NDUFV2: variants seen among roughly 807,000 people sequenced by gnomAD.
The protein encoded by NDUFV2 is NADH dehydrogenase [ubiquinone] flavoprotein 2, mitochondrial.
In NDUFV2, 18 loss-of-function variants were observed where a neutral mutation model predicts 31.6. The observed-to-expected ratio is 0.57, with a 90% CI of 0.39 to 0.84. The LOEUF (loss-of-function observed/expected upper bound fraction) is 0.84, where lower values mean the gene tolerates loss of function less well. Among genes scored for constraint, NDUFV2 ranks in the 40% least tolerant of loss-of-function variants. The pLI is 0.00. For synonymous variants in NDUFV2, 83 were observed against 99.8 expected (o/e 0.83, Z 1.01); for missense variants, 314 against 303.6 (o/e 1.03, Z -0.26).
intron 4 of NDUFV2, among the ~76,000 whole-genome samples, 194 bp from the exon 5 acceptor site, chr18:9,122,319 G>C (rs901852947): frequency 9.9e-5 from 15 of 152,160 alleles, no homozygotes; most frequent in Non-Finnish European, 2.2e-4. Context: ...TGGTTTAAGT[G>C]TAAGTACATT....
At chr18:9,123,518 A>C (rs1345286824) in intron 5 of NDUFV2, among the ~76,000 whole-genome samples, 1 of 151,202 alleles carries the variant, frequency 6.6e-6, no homozygotes, top group African/African-American at 2.4e-5. Context: ...TTGAGGTCTC[A>C]CTTTGTCACC....
intron 7 of NDUFV2, chr18:9,133,457 T>TG (rs2078058155): frequency 6.6e-6 from 1 of 152,334 alleles, no homozygotes; most frequent in Non-Finnish European, 1.5e-5. Context: ...CTTCATAAAT[T>TG]GCTCCATCAG....
chr18:9,118,840 T>TTTA (rs1555697074), intron 2 of NDUFV2, among the ~76,000 whole-genome samples: 8 of 149,320 alleles, frequency 5.4e-5, no homozygotes, highest in Non-Finnish European at 1.2e-4. Flanking sequence ...TTTTTTTTTT[T>TTTA]AAGATGGTCC....
chr18:9,114,416 G>A (rs1027676766), intron 1 of NDUFV2, among the ~76,000 whole-genome samples: 8 of 149,282 alleles, frequency 5.4e-5, no homozygotes, highest in South Asian at 2.1e-4. Context: ...TTAAAAATAG[G>A]TGTAGTTTTA....
At chr18:9,113,134 A>G (rs2077880156) in intron 1 of NDUFV2, among the ~76,000 whole-genome samples, 2 of 152,360 alleles carry the variant, frequency 1.3e-5, no homozygotes, top group Non-Finnish European at 2.9e-5. Flanking sequence ...TATGTACTTC[A>G]TAGGTACATA....
In NDUFV2 at chr18:9,107,188, G is replaced by A. The variant is rs1045639428; in HGVS notation, c.54+4391G>A. On this transcript the variant is annotated intron_variant, in intron 1 of 7. Transcript: ENST00000318388. ...ACTTTAGTTTATGCAGTGAGGTTCAGTAGGCCACTATTGCAAACTGCAGAC... is the reference window on the plus strand; with the variant it reads ...ACTTTAGTTTATGCAGTGAGGTTCAATAGGCCACTATTGCAAACTGCAGAC... 3.3e-5 allele frequency among the ~76,000 whole-genome samples: 5 copies of A among 152,220 alleles called. No homozygotes were observed. The South Asian group carries it at 1.0e-3, about 32-fold the overall frequency.
Position 9,116,364 on chromosome 18 carries a change from T to G in NDUFV2, c.55-1474T>G, listed in dbSNP as rs576155866. 2.7e-3 allele frequency among the ~76,000 whole-genome samples: 408 copies of G among 152,364 alleles called. 1 individual carries two copies. The highest frequency in any genetic ancestry group is 3.6e-3 in the Non-Finnish European group (248 of 68,034). ...CTACTCTTAAAATTAATCCTTTTAT[T>G]ATAAGTATACAGTCTTTTCTCTCAG... On this transcript the variant is annotated intron_variant, in intron 1 of 7. Transcript: ENST00000318388.
Position 9,134,318 on chromosome 18 carries a change from A to C in NDUFV2, c.*39A>C, listed in dbSNP as rs779630576. On this transcript the variant is annotated 3_prime_UTR_variant, in exon 8 of 8. Coordinates refer to ENST00000318388, the MANE Select transcript of NDUFV2 (RefSeq NM_021074.5). ...GTAAATATGTCACTAGAGAAATAAA[A>C]TATGGACTTCCAATCTACGTAAACT... The C allele has an allele frequency of 2.1e-6, 3 of 1,423,234 alleles. No individual in the cohort carries two copies. Among genetic ancestry groups the C allele is most frequent in the Non-Finnish European group, 3.0e-6 (3 of 1,008,576 alleles). The allele number at this position is 1,423,234 out of a possible 1,614,324, so 88.2% of individuals were successfully genotyped here.
chr18:9,104,324 G>GA (rs1242928729), intron 1 of NDUFV2: 4 of 1,592,224 alleles, frequency 2.5e-6, no homozygotes, highest in Non-Finnish European at 3.4e-6. Context: ...AGGCCGTCAG[G>GA]AGTCAGTGAA....
intron 1 of NDUFV2, among the ~76,000 whole-genome samples, chr18:9,106,976 GC>G (rs570876502): frequency 1.4e-4 from 21 of 151,514 alleles, no homozygotes; most frequent in Non-Finnish European, 2.9e-4. Flanking sequence ...ATGACATTGG[GC>G]CCACCTAGAT....
intron 1 of NDUFV2, chr18:9,103,276 A>C: frequency 2.5e-6 from 1 of 397,220 alleles, no homozygotes; most frequent in East Asian, 3.6e-5. Context: ...CCAATGTTTG[A>C]TTTACTGCAG....
At chr18:9,125,871 C>A (rs1230766810) in intron 6 of NDUFV2, among the ~76,000 whole-genome samples, 1 of 152,148 alleles carries the variant, frequency 6.6e-6, no homozygotes, top group African/African-American at 2.4e-5. Context: ...AGGTTCCAGA[C>A]TAGCAGTTTT....
intron 4 of NDUFV2, chr18:9,121,509 A>T (rs1424728773): frequency 6.6e-6 from 1 of 152,230 alleles, no homozygotes; most frequent in African/African-American, 2.4e-5. Flanking sequence ...AGCCATGATT[A>T]GATGTCTTTT....
intron 1 of NDUFV2, chr18:9,117,240 T>A (rs139401606): frequency 6.5e-6 from 1 of 152,734 alleles, no homozygotes; most frequent in Non-Finnish European, 1.5e-5. Context: ...TTTTACCATG[T>A]TGGCCAGGAT....
chr18:9,129,249 G>T (rs939212225), intron 7 of NDUFV2, among the ~76,000 whole-genome samples: 1 of 152,028 alleles, frequency 6.6e-6, no homozygotes, highest in Non-Finnish European at 1.5e-5. Context: ...CCACTTTGGC[G>T]TTTAGAATCT....
chr18:9,125,644 G>A (rs1245321225), intron 6 of NDUFV2, among the ~76,000 whole-genome samples: 2 of 151,236 alleles, frequency 1.3e-5, no homozygotes, highest in African/African-American at 4.9e-5. Flanking sequence ...TTTAAAAATT[G>A]CTTGCTACCC....
intron 7 of NDUFV2, 81 bp downstream of exon 7, chr18:9,126,988 T>C: frequency 9.2e-7 from 1 of 1,092,320 alleles, no homozygotes; most frequent in East Asian, 2.4e-5. Context: ...AAAAATTTTA[T>C]ACCTTAAGTT....
chr18:9,108,793 C>T (rs571404916), intron 1 of NDUFV2, among the ~76,000 whole-genome samples: 8 of 150,816 alleles, frequency 5.3e-5, no homozygotes, highest in East Asian at 2.0e-4. Context: ...CGGGTTCAAG[C>T]GATTCTCCTG....
chr18:9,126,579 C>A lies in NDUFV2; in HGVS notation c.580-252C>A, dbSNP rs41274302. 7.8e-3 allele frequency: 3,480 copies of A among 448,542 alleles called. 30 individuals carry two copies. Among genetic ancestry groups the A allele is most frequent in the Middle Eastern group, 0.02 (31 of 1,526 alleles). The allele number at this position is 448,542 out of a possible 1,614,324, so 27.8% of individuals were successfully genotyped here. A position where few individuals can be genotyped will look rare whatever the true frequency, so the allele number is the denominator to read the frequency against. On this transcript the variant is annotated intron_variant, in intron 6 of 7. Coordinates refer to ENST00000318388, the MANE Select transcript of NDUFV2 (RefSeq NM_021074.5). ...TAATTGTTGATGCCTTGGTAACTAT[C>A]TTGTGAGCTGAGACAGACAATAAAA...
Sources: allele counts gnomAD v4.1 joint callset (sites outside exome capture counted in the v4.1 genomes callset), GRCh38; gene constraint gnomAD v4.1.1; transcripts MANE v1.5; gene names NCBI Gene and HGNC (gene_info 2026-07-23, HGNC 2026-07-21).